TANC2: variants seen among roughly 807,000 people sequenced by gnomAD.
TANC2 encodes tetratricopeptide repeat, ankyrin repeat and coiled-coil containing 2.
A neutral mutation model predicts 210.5 loss-of-function variants in TANC2; 26 were observed. The observed-to-expected ratio is 0.12, with a 90% CI of 0.09 to 0.17. TANC2 has a LOEUF of 0.17. Among genes scored for constraint, TANC2 ranks in the 10% least tolerant of loss-of-function variants. The pLI, the probability that TANC2 is intolerant of heterozygous loss-of-function variation, is 1.00. For synonymous variants in TANC2, 931 were observed against 967.1 expected (o/e 0.96, Z 0.69); for missense variants, 2,129 against 2,608.9 (o/e 0.82, Z 4.01).
At chr17:63,319,138 T>C (rs756560856) in intron 11 of TANC2, 48 bp downstream of exon 11, 1 of 1,569,374 alleles carries the variant, frequency 6.4e-7, no homozygotes, top group South Asian at 1.2e-5. Flanking sequence ...CATTTTAATA[T>C]CAAGGAAGCA....
rs139062101 is a variant in TANC2 at position 63,395,503 on chromosome 17, CA to C, written c.3052-231del. Among the ~76,000 whole-genome samples, 21 of 149,928 alleles carry C rather than the reference CA, an allele frequency of 1.4e-4. No individual in the cohort carries two copies. In the East Asian group the frequency reaches 3.5e-3, roughly 25 times the overall value. On this transcript the variant is annotated intron_variant, in intron 17 of 27. Transcript: ENST00000689528. ...TTTGGTTTTTGTTTTTCTTGGAATG[CA>C]AAAAAAAAGTCTGACCTTTTCTGAG...
chr17:63,342,086 C>A (rs943941438), intron 12 of TANC2, among the ~76,000 whole-genome samples: 4 of 152,174 alleles, frequency 2.6e-5, no homozygotes, highest in African/African-American at 9.7e-5. Context: ...AATGCTACCT[C>A]ATTCATGAAA....
At chr17:63,277,149 C>T (rs914733234) in intron 9 of TANC2, among the ~76,000 whole-genome samples, 1 of 152,088 alleles carries the variant, frequency 6.6e-6, no homozygotes, top group Non-Finnish European at 1.5e-5. Context: ...TCTACATTAT[C>T]TCCTATATGC....
chr17:63,374,733 T>A (rs1469406361), intron 14 of TANC2, among the ~76,000 whole-genome samples: 1 of 152,128 alleles, frequency 6.6e-6, no homozygotes. Context: ...GGTAAAAAGG[T>A]AAAGACAGAC....
chr17:63,417,028 A>G (rs1047706002), intron 26 of TANC2, among the ~76,000 whole-genome samples: 4 of 152,258 alleles, frequency 2.6e-5, no homozygotes, highest in African/African-American at 9.6e-5. Context: ...TCATATTTTT[A>G]GGAATAATGA....
intron 1 of TANC2, among the ~76,000 whole-genome samples, chr17:62,976,603 C>CT (rs1419969550): frequency 6.6e-6 from 1 of 151,942 alleles, no homozygotes; most frequent in Non-Finnish European, 1.5e-5. Context: ...GTAGAGGTTC[C>CT]TCTTCAAAGA....
At chr17:63,360,249 C>CAAAAAA in intron 14 of TANC2, among the ~76,000 whole-genome samples, 1 of 152,212 alleles carries the variant, frequency 6.6e-6, no homozygotes, top group East Asian at 1.9e-4. Context: ...CACTGAAGCA[C>CAAAAAA]AAACTTGAGG....
chr17:63,180,915 TAGGG>T (rs557316150), intron 5 of TANC2, among the ~76,000 whole-genome samples: 11 of 148,066 alleles, frequency 7.4e-5, no homozygotes, highest in Non-Finnish European at 1.5e-4. Flanking sequence ...TCCCAGCTAC[TAGGG>T]AGGCTGAGGC....
chr17:63,185,286 T>C (rs1193527441), intron 5 of TANC2, among the ~76,000 whole-genome samples: 1 of 151,778 alleles, frequency 6.6e-6, no homozygotes, highest in African/African-American at 2.4e-5. Context: ...AGAGAAAGGG[T>C]TTCACCATGT....
intron 9 of TANC2, among the ~76,000 whole-genome samples, chr17:63,298,653 C>T (rs756792696): frequency 1.3e-5 from 2 of 152,150 alleles, no homozygotes; most frequent in Non-Finnish European, 2.9e-5. Context: ...TTGAATTGTA[C>T]ACTTTAAAGT....
intron 4 of TANC2, among the ~76,000 whole-genome samples, chr17:63,127,735 A>G (rs2038762604): frequency 1.3e-5 from 2 of 152,232 alleles, no homozygotes; most frequent in Admixed American, 6.5e-5. Context: ...GCATGGTGGC[A>G]TATGAAAATG....
chr17:63,131,965 A>G (rs2038934214), intron 4 of TANC2, among the ~76,000 whole-genome samples: 1 of 152,198 alleles, frequency 6.6e-6, no homozygotes, highest in South Asian at 2.1e-4. Context: ...CTAGCCATGG[A>G]AATATTTATG....
At position 63,156,344 on chromosome 17, in the gene TANC2, G is replaced by A. The variant is rs114026328; in HGVS notation, c.433+4964G>A. 8.5e-3 allele frequency among the ~76,000 whole-genome samples: 1,294 copies of A among 151,812 alleles called. 16 individuals carry two copies. Among genetic ancestry groups the A allele is most frequent in the African/African-American group, 0.029 (1,186 of 41,420 alleles). ...TACATATGTACTTTTTCCAATCACA[G>A]GTTCTCAAAACAGTTGGTAACCTCC... On this transcript the variant is annotated intron_variant, in intron 5 of 27. Transcript: ENST00000689528.
intron 5 of TANC2, among the ~76,000 whole-genome samples, chr17:63,161,064 T>G (rs1363866797): frequency 6.6e-6 from 1 of 152,226 alleles, no homozygotes; most frequent in Non-Finnish European, 1.5e-5. Flanking sequence ...ATGGATAGGC[T>G]TGCTCGCTAC....
intron 9 of TANC2, among the ~76,000 whole-genome samples, chr17:63,303,407 A>G (rs1172088521): frequency 1.3e-5 from 2 of 152,112 alleles, no homozygotes; most frequent in South Asian, 2.1e-4. Context: ...TTCTTTAAGA[A>G]TGTTGAATAT....
chr17:63,340,480 G>C lies in TANC2; in HGVS notation c.1807+148G>C. 3 of 653,840 alleles carry C rather than the reference G, an allele frequency of 4.6e-6. No homozygotes were observed. The South Asian group carries it at 7.0e-5, about 15-fold the overall frequency. 40.5% of individuals were successfully genotyped at this position (653,840 alleles called of 1,614,324 possible). On this transcript the variant is annotated intron_variant, in intron 12 of 27. Coordinates refer to ENST00000689528, the Ensembl canonical transcript of TANC2. ...CCTGTAGGATACAGTTAACAGACAA[G>C]AGATTTTACTTGCAAAAAAAAAAAT... is the stretch of plus-strand genomic sequence containing the variant.
chr17:63,360,874 A>G (rs1167780546), intron 14 of TANC2, among the ~76,000 whole-genome samples: 3 of 152,178 alleles, frequency 2.0e-5, no homozygotes, highest in African/African-American at 7.2e-5. Flanking sequence ...TAGCTCTGAC[A>G]GATAAGTGAG....
chr17:63,185,034 AC>A (rs1312198974), intron 5 of TANC2, among the ~76,000 whole-genome samples: 1 of 150,682 alleles, frequency 6.6e-6, no homozygotes, highest in Non-Finnish European at 1.5e-5. Context: ...TCACTCTGTC[AC>A]CCAGACTAGA....
chr17:63,336,641 A>G (rs1432165660), intron 11 of TANC2, among the ~76,000 whole-genome samples: 4 of 152,250 alleles, frequency 2.6e-5, no homozygotes, highest in Non-Finnish European at 4.4e-5. Flanking sequence ...CTTACTTGCT[A>G]TCTTCCTCCA....
Sources: gnomAD v4.1 joint callset for allele counts (sites outside exome capture counted in the v4.1 genomes callset) on GRCh38, gnomAD v4.1.1 for gene constraint, MANE v1.5 for transcripts, NCBI Gene and HGNC (gene_info 2026-07-23, HGNC 2026-07-21) for gene names.